RFC3: variants seen among roughly 807,000 people sequenced by gnomAD.
RFC3 encodes the protein A1 38 kDa subunit.
A neutral mutation model predicts 45.1 loss-of-function variants in RFC3; 41 were observed. The ratio of observed to expected loss-of-function variants is 0.91; its 90% CI spans 0.71 to 1.18. RFC3 has a LOEUF of 1.18. RFC3 is among the 50% of genes most tolerant of loss of function. The probability of loss-of-function intolerance (pLI) is 0.00; values close to 1 mark genes in which losing one functional copy is unlikely to be tolerated. For missense variants in RFC3, 423 were observed against 428.1 expected, an observed-to-expected ratio of 0.99 and a Z score of 0.10; for synonymous variants, 149 against 144.0, an observed-to-expected ratio of 1.03 and a Z score of -0.25.
chr13:33,845,936 A>G lies in RFC3; in HGVS notation c.879+10719A>G, dbSNP rs377028271. On this transcript the variant is annotated intron_variant, in intron 8 of 8. Transcript: ENST00000434425. ...GAAGGCATTCCAAGTGTTCAGAGAA[A>G]ATTGAGTGTTGTGATCTAAGTCTGG... 2.8e-4 allele frequency among the ~76,000 whole-genome samples: 42 copies of G among 152,278 alleles called. 1 individual carries two copies. The highest frequency in any genetic ancestry group is 2.7e-3 in the East Asian group (14 of 5,184).
At chr13:33,971,288 AG>A (rs1331331034), downstream of RFC3, among the ~76,000 whole-genome samples, 8 of 152,328 alleles carry the variant, frequency 5.3e-5, no homozygotes, top group East Asian at 1.5e-3. Context: ...TTTTTATAAA[AG>A]TTTTGCCAAG....
chr13:33,861,946 T>C (rs2082343637), intron 8 of RFC3, among the ~76,000 whole-genome samples: 1 of 152,198 alleles, frequency 6.6e-6, no homozygotes, highest in Admixed American at 6.5e-5. Context: ...CTAAGAAACA[T>C]TAAATTTTAC....
downstream of RFC3, among the ~76,000 whole-genome samples, chr13:33,842,010 C>T (rs928106348): frequency 1.3e-5 from 2 of 152,120 alleles, no homozygotes; most frequent in Non-Finnish European, 2.9e-5. Flanking sequence ...TGGCCAGGTG[C>T]GGTGACCATG....
chr13:33,833,065 T>C (rs1354215655), intron 7 of RFC3, among the ~76,000 whole-genome samples: 1 of 152,186 alleles, frequency 6.6e-6, no homozygotes, highest in Non-Finnish European at 1.5e-5. Context: ...ATTGATTCCA[T>C]TGTGCTACAT....
chr13:33,821,022 G>T, intron 1 of RFC3, 110 bp from the exon 2 acceptor site: 1 of 1,067,484 alleles, frequency 9.4e-7, no homozygotes, highest in East Asian at 2.5e-5. Flanking sequence ...CTCATGAACT[G>T]GGAGTTTCAT....
intron 5 of RFC3, 87 bp downstream of exon 5, chr13:33,830,104 C>G: frequency 8.0e-7 from 1 of 1,245,722 alleles, no homozygotes; most frequent in Non-Finnish European, 1.1e-6. Context: ...GGAATCGTAT[C>G]AGTAATTTAA....
exon 9 of RFC3, chr13:33,966,345 C>T (rs2083087735): frequency 1.7e-6 from 1 of 591,718 alleles, no homozygotes. Context: ...CCCTCTGCTT[C>T]TCCTTCAAAA....
intron 8 of RFC3, among the ~76,000 whole-genome samples, chr13:33,947,047 C>T (rs145985088): frequency 2.1e-3 from 324 of 152,324 alleles, no homozygotes; most frequent in East Asian, 6.5e-3. Flanking sequence ...CATTTAGTAA[C>T]ATCACCAGTG....
intron 8 of RFC3, among the ~76,000 whole-genome samples, chr13:33,844,329 A>G (rs1167999884): frequency 6.6e-6 from 1 of 152,196 alleles, no homozygotes; most frequent in East Asian, 1.9e-4. Context: ...AAATGCCTTA[A>G]AAATGAAAAA....
chr13:33,936,609 G>C (rs905383277), intron 8 of RFC3, among the ~76,000 whole-genome samples: 1 of 152,108 alleles, frequency 6.6e-6, no homozygotes, highest in Non-Finnish European at 1.5e-5. Context: ...GCAGAGACTG[G>C]GGTGATGCAT....
In RFC3 at chr13:33,940,584, TATA is replaced by T. The variant is rs573136578; in HGVS notation, c.880-25500_880-25498del. On this transcript the variant is annotated intron_variant, in intron 8 of 8. Coordinates refer to the RFC3 transcript ENST00000434425. ...GCTGTTGTCATAGCCATTATCTTACTATAATGTTTCTGTTGAAGTCATCAAATA... is the reference window on the plus strand; with the variant it reads ...GCTGTTGTCATAGCCATTATCTTACTATGTTTCTGTTGAAGTCATCAAATA... Among the ~76,000 whole-genome samples, 215 of 152,354 alleles carry T rather than the reference TATA, an allele frequency of 1.4e-3. 2 individuals are homozygous for T. The highest frequency in any genetic ancestry group is 4.8e-3 in the African/African-American group (200 of 41,590).
At chr13:33,913,390 G>A (rs769745735) in intron 8 of RFC3, among the ~76,000 whole-genome samples, 12 of 152,034 alleles carry the variant, frequency 7.9e-5, no homozygotes, top group Non-Finnish European at 1.3e-4. Flanking sequence ...GAGGCACTGC[G>A]GAATCTCTTC....
At position 33,829,824 on chromosome 13, in the gene RFC3, T is replaced by C; in HGVS notation, c.392-12T>C. The C allele has an allele frequency of 6.2e-7, 1 of 1,611,262 alleles. No individual in the cohort carries two copies. Among genetic ancestry groups the C allele is most frequent in the Non-Finnish European group, 8.5e-7 (1 of 1,177,366 alleles). ...CTCAAGTTAAAGTTTGTTTTGTTTC[T>C]CTTTGACTCAGTGGTATTATTGACA... On this transcript the variant is annotated splice_polypyrimidine_tract_variant and intron_variant, in intron 4 of 8. Transcript: ENST00000380071.
intron 8 of RFC3, among the ~76,000 whole-genome samples, chr13:33,947,210 A>G (rs2082959799): frequency 6.6e-6 from 1 of 152,150 alleles, no homozygotes; most frequent in Admixed American, 6.5e-5. Flanking sequence ...AGGTAATTGG[A>G]CCATGGGGGT....
At chr13:33,927,839 C>T (rs2082824019) in intron 8 of RFC3, among the ~76,000 whole-genome samples, 1 of 152,072 alleles carries the variant, frequency 6.6e-6, no homozygotes, top group Non-Finnish European at 1.5e-5. Flanking sequence ...TGATTTACAT[C>T]AGCAGTGGGT....
chr13:33,927,308 A>C (rs1041505379), intron 8 of RFC3, among the ~76,000 whole-genome samples: 1 of 152,068 alleles, frequency 6.6e-6, no homozygotes, highest in South Asian at 2.1e-4. Flanking sequence ...CCTAAGACCA[A>C]AGGGAAAGTT....
At chr13:33,826,496 T>G (rs1347943898) in intron 4 of RFC3, among the ~76,000 whole-genome samples, 1 of 152,212 alleles carries the variant, frequency 6.6e-6, no homozygotes, top group Non-Finnish European at 1.5e-5. Context: ...TTAGTGAGTG[T>G]GATAAATTTT....
intron 8 of RFC3, among the ~76,000 whole-genome samples, chr13:33,914,158 A>G (rs2082719479): frequency 6.9e-6 from 1 of 144,434 alleles, no homozygotes; most frequent in South Asian, 2.2e-4. Flanking sequence ...TATTGAAAAG[A>G]GCATCTTATT....
chr13:33,968,496 A>G (rs2083098041), downstream of RFC3, among the ~76,000 whole-genome samples: 1 of 152,228 alleles, frequency 6.6e-6, no homozygotes, highest in African/African-American at 2.4e-5. Context: ...ATGATCAACG[A>G]GTAAGTTCAC....
Sources: gnomAD v4.1 joint callset for allele counts (sites outside exome capture counted in the v4.1 genomes callset) on GRCh38, gnomAD v4.1.1 for gene constraint, MANE v1.5 for transcripts, NCBI Gene and HGNC (gene_info 2026-07-23, HGNC 2026-07-21) for gene names.